ATP1B3: variants seen among roughly 807,000 people sequenced by gnomAD.
ATP1B3 encodes the protein ATPase Na+/K+ transporting subunit beta 3.
Under a neutral mutation model 30.2 loss-of-function variants are expected in ATP1B3, and 10 were observed. The ratio of observed to expected loss-of-function variants is 0.33; its 90% CI spans 0.20 to 0.56. ATP1B3 has a LOEUF of 0.56. Among genes scored for constraint, ATP1B3 ranks in the 20% least tolerant of loss-of-function variants. The pLI is 0.90. For missense variants in ATP1B3, 238 were observed against 336.7 expected (o/e 0.71, Z 2.29); for synonymous variants, 113 against 117.0 (o/e 0.97, Z 0.22).
chr3:141,924,567 T>C (rs112723093), intron 6 of ATP1B3, among the ~76,000 whole-genome samples: 1 of 152,264 alleles, frequency 6.6e-6, no homozygotes, highest in African/African-American at 2.4e-5. Context: ...GGGAATCGCT[T>C]GAACCTGGGA....
At chr3:141,896,425 G>T (rs1209192587) in intron 1 of ATP1B3, among the ~76,000 whole-genome samples, 2 of 152,164 alleles carry the variant, frequency 1.3e-5, no homozygotes, top group Non-Finnish European at 2.9e-5. Flanking sequence ...GGAGGCTGGG[G>T]CAGGAGGATT....
chr3:141,885,924 C>CA (rs1559864971), intron 1 of ATP1B3, among the ~76,000 whole-genome samples: 25 of 149,226 alleles, frequency 1.7e-4, no homozygotes, highest in Non-Finnish European at 7.4e-5. Flanking sequence ...CACACACACA[C>CA]CCCTGTAGTG....
At chr3:141,911,358 CTATAA>C (rs1249891918) in intron 3 of ATP1B3, among the ~76,000 whole-genome samples, 2 of 152,162 alleles carry the variant, frequency 1.3e-5, no homozygotes, top group African/African-American at 4.8e-5. Context: ...TTGAAAGATA[CTATAA>C]TATATCTGGT....
chr3:141,909,261 C>T (rs1934315399), intron 3 of ATP1B3, among the ~76,000 whole-genome samples: 1 of 152,178 alleles, frequency 6.6e-6, no homozygotes, highest in African/African-American at 2.4e-5. Flanking sequence ...GTTCCCTGCC[C>T]TCCTCCCTTC....
chr3:141,886,056 CA>C (rs1933827081), intron 1 of ATP1B3, among the ~76,000 whole-genome samples: 1 of 152,214 alleles, frequency 6.6e-6, no homozygotes, highest in Non-Finnish European at 1.5e-5. Flanking sequence ...ATTTCTAAGG[CA>C]GCAGCTTTGA....
intron 1 of ATP1B3, among the ~76,000 whole-genome samples, chr3:141,889,439 T>C (rs576720212): frequency 6.6e-6 from 1 of 152,152 alleles, no homozygotes; most frequent in East Asian, 1.9e-4. Flanking sequence ...TTTATGAATA[T>C]ATTGTTCTGA....
intron 4 of ATP1B3, among the ~76,000 whole-genome samples, chr3:141,915,581 T>C (rs1365406343): frequency 2.6e-5 from 4 of 152,172 alleles, no homozygotes; most frequent in Admixed American, 6.5e-5. Context: ...TGATATAGTT[T>C]TGTGAAGAAC....
At chr3:141,879,407 G>A (rs1373416526) in intron 1 of ATP1B3, among the ~76,000 whole-genome samples, 2 of 151,948 alleles carry the variant, frequency 1.3e-5, no homozygotes, top group African/African-American at 2.4e-5. Context: ...TACTCCCAAC[G>A]GTATGTAGTG....
At chr3:141,890,285 CTTTTTTTTTTTTTTTTTTTTTTT>C (rs775182342) in intron 1 of ATP1B3, among the ~76,000 whole-genome samples, 1 of 28,554 alleles carries the variant, frequency 3.5e-5, no homozygotes, top group Admixed American at 6.8e-4. Context: ...TTTTGTGGGG[CTTTTTTTTTTTTTTTTTTTTTTT>C]TTTTTTTTTT....
chr3:141,890,756 A>G (rs1459376838), intron 1 of ATP1B3, among the ~76,000 whole-genome samples: 1 of 151,436 alleles, frequency 6.6e-6, no homozygotes, highest in Non-Finnish European at 1.5e-5. Context: ...TATTTTTAGT[A>G]GAGACTGGGT....
At chr3:141,883,051 C>T (rs906730211) in intron 1 of ATP1B3, among the ~76,000 whole-genome samples, 3 of 152,222 alleles carry the variant, frequency 2.0e-5, no homozygotes, top group Admixed American at 1.3e-4. Context: ...TGTCATCTCT[C>T]TCTACCATTC....
Position 141,907,238 on chromosome 3 carries a change from G to T in ATP1B3, c.310G>T (p.Ala104Ser). ...CAGTAGGTCTGATCCAACTTCGTAT[G>T]CAGGGTACATTGAAGACCTTAAGAA... ...TFSRSDPTSY[A>S]GYIEDLKKFL... The change falls in exon 3 of 7, where the codon GCA (alanine) becomes TCA (serine). Residue 104 changes from alanine (A) to serine (S), a missense_variant. By Grantham distance (99) the Ala-to-Ser change is moderately conservative. Transcript: ENST00000286371. 1.9e-6 allele frequency: 3 copies of T among 1,612,652 alleles called. No homozygotes were observed. The highest frequency in any genetic ancestry group is 2.5e-6 in the Non-Finnish European group (3 of 1,179,432).
chr3:141,904,506 A>G (rs1934227422), intron 2 of ATP1B3, among the ~76,000 whole-genome samples: 1 of 151,976 alleles, frequency 6.6e-6, no homozygotes, highest in Non-Finnish European at 1.5e-5. Flanking sequence ...GTCGTTCTAA[A>G]TGGTTAGTTA....
At chr3:141,893,871 A>C (rs1934007658) in intron 1 of ATP1B3, among the ~76,000 whole-genome samples, 1 of 152,154 alleles carries the variant, frequency 6.6e-6, no homozygotes, top group Admixed American at 6.5e-5. Context: ...GCCTTCTGAG[A>C]AATGTGCTTA....
chr3:141,901,525 C>T (rs1241233930), intron 1 of ATP1B3, among the ~76,000 whole-genome samples: 1 of 152,122 alleles, frequency 6.6e-6, no homozygotes, highest in Non-Finnish European at 1.5e-5. Context: ...CTGGAAATAA[C>T]TTATTTACTT....
intron 2 of ATP1B3, among the ~76,000 whole-genome samples, chr3:141,904,499 G>A (rs369495826): frequency 4.9e-4 from 74 of 151,806 alleles, no homozygotes; most frequent in Non-Finnish European, 9.1e-4. Flanking sequence ...ATACTTTGTC[G>A]TTCTAAATGG....
intron 1 of ATP1B3, among the ~76,000 whole-genome samples, chr3:141,895,188 CTT>C (rs1176839559): frequency 1.1e-4 from 13 of 121,406 alleles, no homozygotes; most frequent in Admixed American, 2.5e-4. Flanking sequence ...TCTTTCTTTT[CTT>C]TTTTTTTTTT....
intron 1 of ATP1B3, among the ~76,000 whole-genome samples, chr3:141,894,604 A>G (rs1392099482): frequency 6.6e-6 from 1 of 151,328 alleles, no homozygotes; most frequent in Non-Finnish European, 1.5e-5. Flanking sequence ...AAAAACTAAG[A>G]CACAAACATG....
chr3:141,882,575 T>C (rs1296136920), intron 1 of ATP1B3, among the ~76,000 whole-genome samples: 1 of 152,138 alleles, frequency 6.6e-6, no homozygotes, highest in African/African-American at 2.4e-5. Context: ...TATCTAATCA[T>C]ACAATTTTGT....
Sources: allele counts gnomAD v4.1 joint callset (sites outside exome capture counted in the v4.1 genomes callset), GRCh38; gene constraint gnomAD v4.1.1; transcripts MANE v1.5; gene names NCBI Gene and HGNC (gene_info 2026-07-23, HGNC 2026-07-21).